Variants in ZDHHC20 observed in about 807,000 individuals in gnomAD.
The protein encoded by ZDHHC20 is palmitoyltransferase ZDHHC20.
ZDHHC20 carries 43 observed loss-of-function variants against 57.8 expected under a neutral mutation model. The ratio of observed to expected loss-of-function variants is 0.74; its 90% CI spans 0.58 to 0.96. The LOEUF (loss-of-function observed/expected upper bound fraction) is 0.96. Ranked by LOEUF, ZDHHC20 falls within the 40% of genes least tolerant of loss-of-function variation. The pLI is 0.00. For missense variants in ZDHHC20, 391 were observed against 441.1 expected (o/e 0.89, Z 1.02); for synonymous variants, 157 against 153.0 (o/e 1.03, Z -0.19).
At chr13:21,438,330 T>C (rs1882766811) in intron 1 of ZDHHC20, among the ~76,000 whole-genome samples, 1 of 152,198 alleles carries the variant, frequency 6.6e-6, no homozygotes, top group African/African-American at 2.4e-5. Context: ...AACACTCGTT[T>C]TTCATGGGAG....
intron 3 of ZDHHC20, among the ~76,000 whole-genome samples, chr13:21,415,030 G>A (rs1036130000): frequency 6.6e-6 from 1 of 152,134 alleles, no homozygotes; most frequent in Non-Finnish European, 1.5e-5. Context: ...TGTTTAAGGA[G>A]TATTTGGTCT....
intron 1 of ZDHHC20, among the ~76,000 whole-genome samples, chr13:21,428,661 C>T (rs1001020846): frequency 1.3e-5 from 2 of 151,426 alleles, no homozygotes; most frequent in African/African-American, 2.4e-5. Flanking sequence ...GAGTTCAAGA[C>T]CAGCCTGGCC....
At chr13:21,426,176 AC>A (rs755476432) in intron 1 of ZDHHC20, among the ~76,000 whole-genome samples, 50 of 152,314 alleles carry the variant, frequency 3.3e-4, no homozygotes, top group South Asian at 2.5e-3. Context: ...AAGTCAGACT[AC>A]GCACAGAAAA....
intron 1 of ZDHHC20, among the ~76,000 whole-genome samples, chr13:21,446,572 AT>A (rs1159931521): frequency 3.3e-5 from 5 of 152,242 alleles, no homozygotes; most frequent in East Asian, 1.9e-4. Flanking sequence ...TTAAAACCAA[AT>A]TTTTTTTAAA....
intron 1 of ZDHHC20, among the ~76,000 whole-genome samples, chr13:21,431,865 T>C (rs1029321450): frequency 4.6e-5 from 7 of 152,256 alleles, no homozygotes; most frequent in African/African-American, 1.4e-4. Context: ...TCTTGATATG[T>C]GTGTGCCAAT....
intron 1 of ZDHHC20, among the ~76,000 whole-genome samples, chr13:21,440,999 A>G (rs1566110661): frequency 6.6e-6 from 1 of 152,188 alleles, no homozygotes; most frequent in Admixed American, 6.5e-5. Flanking sequence ...AGTTTTAATT[A>G]TAAGGCTTTT....
intron 1 of ZDHHC20, among the ~76,000 whole-genome samples, chr13:21,428,410 G>A (rs376905290): frequency 2.0e-5 from 3 of 151,208 alleles, no homozygotes; most frequent in African/African-American, 7.3e-5. Flanking sequence ...TAGTAGAGAC[G>A]GGGTTTCACC....
intron 9 of ZDHHC20, among the ~76,000 whole-genome samples, chr13:21,386,424 TGAA>T (rs1339376468): frequency 2.0e-5 from 3 of 152,194 alleles, no homozygotes; most frequent in African/African-American, 7.2e-5. Context: ...TCAAATTGCA[TGAA>T]GTAGTGATAG....
intron 2 of ZDHHC20, among the ~76,000 whole-genome samples, chr13:21,423,160 C>A (rs958015179): frequency 6.6e-6 from 1 of 152,158 alleles, no homozygotes; most frequent in African/African-American, 2.4e-5. Context: ...GTTTCCTCCA[C>A]GTTTTAAACC....
intron 3 of ZDHHC20, among the ~76,000 whole-genome samples, chr13:21,417,972 G>C (rs75876387): frequency 0.038 from 5,746 of 152,232 alleles, 343 homozygotes; most frequent in African/African-American, 0.13. Context: ...TCAGCACACT[G>C]TAAGCTCAGT....
chr13:21,393,486 C>T (rs1876153976), intron 7 of ZDHHC20, among the ~76,000 whole-genome samples: 2 of 147,168 alleles, frequency 1.4e-5, no homozygotes, highest in Non-Finnish European at 3.0e-5. Flanking sequence ...AGGCAGATCA[C>T]CTGAGGTCAA....
intron 9 of ZDHHC20, among the ~76,000 whole-genome samples, chr13:21,386,473 T>A (rs1019774991): frequency 3.9e-5 from 6 of 152,178 alleles, no homozygotes; most frequent in African/African-American, 1.4e-4. Context: ...ATATATAGAC[T>A]AACAAAAATA....
chr13:21,432,060 T>G (rs1379428416), intron 1 of ZDHHC20, among the ~76,000 whole-genome samples: 2 of 152,166 alleles, frequency 1.3e-5, no homozygotes, highest in Non-Finnish European at 2.9e-5. Context: ...TCTGGAAGTT[T>G]TATAGGTTTT....
intron 2 of ZDHHC20, 84 bp from the exon 3 acceptor site, chr13:21,421,248 A>G: frequency 1.0e-6 from 1 of 992,554 alleles, no homozygotes; most frequent in Non-Finnish European, 1.5e-6. Context: ...TAATTGGGTC[A>G]GGAGGCCGAA....
At chr13:21,430,621 G>C (rs939348444) in intron 1 of ZDHHC20, among the ~76,000 whole-genome samples, 1 of 152,108 alleles carries the variant, frequency 6.6e-6, no homozygotes, top group African/African-American at 2.4e-5. Context: ...TTTTTGGCTA[G>C]AGTAGGGCAG....
At chr13:21,415,323 A>G (rs1879814814) in intron 3 of ZDHHC20, among the ~76,000 whole-genome samples, 1 of 152,172 alleles carries the variant, frequency 6.6e-6, no homozygotes, top group Admixed American at 6.5e-5. Flanking sequence ...CTTTTTATAG[A>G]TAGTTACTCT....
Position 21,452,097 on chromosome 13 carries a change from T to A in ZDHHC20, c.118+6957A>T, listed in dbSNP as rs370015419. Among the ~76,000 whole-genome samples, 30 of 152,314 alleles carry A rather than the reference T, an allele frequency of 2.0e-4. No homozygotes were observed. In the East Asian group the frequency reaches 3.1e-3, roughly 16 times the overall value. On this transcript the variant is annotated intron_variant, in intron 1 of 12. Coordinates refer to ENST00000400590, the MANE Select transcript of ZDHHC20 (RefSeq NM_001330059.2). Reference sequence around the variant, plus strand: ...GCTAATCTTCTCTGTACTCTTCCAATTTTAGTATATGTGTTGCAAGCATGT... The same window carrying A: ...GCTAATCTTCTCTGTACTCTTCCAAATTTAGTATATGTGTTGCAAGCATGT...
chr13:21,379,250 C>T (rs1872788263), intron 11 of ZDHHC20, among the ~76,000 whole-genome samples: 2 of 151,628 alleles, frequency 1.3e-5, no homozygotes, highest in Admixed American at 6.6e-5. Flanking sequence ...CTAGTTAGTA[C>T]AAATGGAGCT....
At chr13:21,402,733 C>G in intron 5 of ZDHHC20, 64 bp downstream of exon 5, 1 of 1,356,968 alleles carries the variant, frequency 7.4e-7, no homozygotes, top group South Asian at 1.3e-5. Flanking sequence ...GTTCCTTCCC[C>G]TTGCACTTTC....
Sources: gnomAD v4.1 joint callset for allele counts (sites outside exome capture counted in the v4.1 genomes callset) on GRCh38, gnomAD v4.1.1 for gene constraint, MANE v1.5 for transcripts, NCBI Gene and HGNC (gene_info 2026-07-23, HGNC 2026-07-21) for gene names.